The following OSBPL8 variants were observed in gnomAD, a reference collection of about 807,000 sequenced individuals.
OSBPL8 encodes the protein oxysterol-binding protein-related protein 8.
OSBPL8 carries 59 observed loss-of-function variants against 125.5 expected under a neutral mutation model. The ratio of observed to expected loss-of-function variants is 0.47; its 90% CI spans 0.38 to 0.58. The LOEUF (loss-of-function observed/expected upper bound fraction) is 0.58, where lower values mean the gene tolerates loss of function less well. Ranked by LOEUF, OSBPL8 falls within the 20% of genes least tolerant of loss-of-function variation. The probability of loss-of-function intolerance (pLI) is 0.00; values close to 1 mark genes in which losing one functional copy is unlikely to be tolerated. For missense variants in OSBPL8, 758 were observed against 1,047.8 expected (o/e 0.72, Z 3.82); for synonymous variants, 330 against 338.9 (o/e 0.97, Z 0.29).
intron 1 of OSBPL8, among the ~76,000 whole-genome samples, chr12:76,514,595 A>G (rs1296609402): frequency 3.3e-5 from 5 of 151,834 alleles, no homozygotes. Flanking sequence ...TTTTTCTTTC[A>G]TTTCAATCTT....
chr12:76,551,978 C>T (rs1200956057), intron 1 of OSBPL8, among the ~76,000 whole-genome samples: 2 of 152,150 alleles, frequency 1.3e-5, no homozygotes, highest in African/African-American at 2.4e-5. Flanking sequence ...GACTGTAGAA[C>T]ATTCCAATCT....
chr12:76,423,002 G>A (rs1326444480), intron 4 of OSBPL8: 1 of 158,010 alleles, frequency 6.3e-6, no homozygotes, highest in Admixed American at 6.2e-5. Context: ...AATTCAAGAT[G>A]AAGCAATAAA....
Position 76,387,164 on chromosome 12 carries a change from G to C in OSBPL8, c.1353-504C>G, listed in dbSNP as rs992568442. 2.6e-5 allele frequency among the ~76,000 whole-genome samples: 4 copies of C among 152,182 alleles called. No homozygotes were observed. The South Asian group carries it at 8.3e-4, about 32-fold the overall frequency. Reference sequence around the variant, plus strand: ...AGTCCATTCTCAGTTGTTGATGTTAGAGGAGATCAATGGTAAACTGGTGGA... The same window carrying C: ...AGTCCATTCTCAGTTGTTGATGTTACAGGAGATCAATGGTAAACTGGTGGA... On this transcript the variant is annotated intron_variant, in intron 12 of 23. Transcript: ENST00000261183.
rs1170144998 is a variant in OSBPL8 at position 76,371,600 on chromosome 12, T to A, written c.1918-16A>T. The stretch of plus-strand genomic sequence containing the variant: ...CTTCACTATCCTATATTTAAAAAAA[T>A]TCAAAATTAATGTAAAGAATTATAC... On this transcript the variant is annotated splice_polypyrimidine_tract_variant and intron_variant, in intron 18 of 23. Transcript: ENST00000261183. 4 of 1,536,484 alleles carry A rather than the reference T, an allele frequency of 2.6e-6. No individual in the cohort carries two copies. The highest frequency in any genetic ancestry group is 2.8e-5 in the African/African-American group (2 of 71,386).
chr12:76,457,816 C>T (rs1874243040), intron 3 of OSBPL8, among the ~76,000 whole-genome samples: 2 of 152,070 alleles, frequency 1.3e-5, no homozygotes, highest in Admixed American at 1.3e-4. Context: ...TAAAATATTT[C>T]AGTTAATATT....
intron 4 of OSBPL8, among the ~76,000 whole-genome samples, chr12:76,431,454 T>A (rs1407384619): frequency 6.6e-6 from 1 of 152,148 alleles, no homozygotes; most frequent in African/African-American, 2.4e-5. Flanking sequence ...CTAAAATTCC[T>A]AATCAAAAGA....
intron 21 of OSBPL8, among the ~76,000 whole-genome samples, chr12:76,364,164 G>A (rs893935345): frequency 2.0e-5 from 3 of 152,152 alleles, no homozygotes; most frequent in African/African-American, 7.2e-5. Context: ...TATACCGAAG[G>A]ATTATAAATC....
At chr12:76,415,682 G>A (rs150868019) in intron 4 of OSBPL8, among the ~76,000 whole-genome samples, 164 of 152,234 alleles carry the variant, frequency 1.1e-3, no homozygotes, top group African/African-American at 3.6e-3. Context: ...GCATACAAAA[G>A]TTCACAATAT....
Position 76,487,507 on chromosome 12 carries a change from C to T in OSBPL8, c.42+3G>A, listed in dbSNP as rs1270101250. On this transcript the variant is annotated splice_donor_region_variant and intron_variant, in intron 2 of 23. Coordinates refer to ENST00000261183, the MANE Select transcript of OSBPL8 (RefSeq NM_020841.5). ...GAACCTATGTCATATATGAACTACT[C>T]ACCGAAGTTCGATCAGGTTCTCCAT... is the stretch of plus-strand genomic sequence containing the variant. 6.2e-7 allele frequency: 1 copy of T among 1,600,898 alleles called. No homozygotes were observed.
chr12:76,548,442 A>G (rs1222845663), intron 1 of OSBPL8, among the ~76,000 whole-genome samples: 2 of 152,160 alleles, frequency 1.3e-5, no homozygotes, highest in African/African-American at 4.8e-5. Flanking sequence ...ACTGAGTATT[A>G]CTTGACTAAC....
chr12:76,386,297 T>C, intron 13 of OSBPL8, 31 bp from the exon 14 acceptor site: 1 of 1,569,494 alleles, frequency 6.4e-7, no homozygotes, highest in Non-Finnish European at 8.6e-7. Context: ...CAATTTCAAA[T>C]TACAAATACA....
At chr12:76,396,436 T>C (rs1953806618) in intron 8 of OSBPL8, among the ~76,000 whole-genome samples, 1 of 152,122 alleles carries the variant, frequency 6.6e-6, no homozygotes, top group Admixed American at 6.5e-5. Flanking sequence ...CTGGCCTTCT[T>C]AGAAACTAAA....
At chr12:76,373,285 A>ATT (rs71311107) in intron 18 of OSBPL8, 59 bp downstream of exon 18, 97,786 of 904,928 alleles carry the variant, frequency 0.11, 2,226 homozygotes, top group Admixed American at 0.15. Context: ...TTTAAATGTG[A>ATT]TTTTTTTTTT....
intron 1 of OSBPL8, among the ~76,000 whole-genome samples, chr12:76,550,386 C>A (rs543786241): frequency 2.6e-5 from 4 of 152,256 alleles, no homozygotes; most frequent in South Asian, 2.1e-4. Flanking sequence ...AATACTTACA[C>A]AGTCATGGTA....
chr12:76,380,144 C>T (rs1044183956), intron 15 of OSBPL8, among the ~76,000 whole-genome samples: 19 of 152,094 alleles, frequency 1.2e-4, no homozygotes, highest in South Asian at 6.3e-4. Context: ...ATTTGAGAGC[C>T]AACTTGCCAA....
chr12:76,394,706 T>A lies in OSBPL8; in HGVS notation c.696A>T (p.Gly232=), dbSNP rs1953719141. 1.9e-6 allele frequency: 3 copies of A among 1,612,296 alleles called. No homozygotes were observed. The highest frequency in any genetic ancestry group is 2.5e-6 in the Non-Finnish European group (3 of 1,179,262). Residue 232 remains glycine, a synonymous_variant, in exon 9 of 24, where the codon GGA becomes GGT. Transcript: ENST00000261183. ...AVKGPKGEAV[G]SITQPLPSSY... Reference sequence around the variant, plus strand: ...TGCTAGGTAAGGGTTGAGTAATGGATCCAACCGCTTCACCTTTTGGACCCT... The same window carrying A: ...TGCTAGGTAAGGGTTGAGTAATGGAACCAACCGCTTCACCTTTTGGACCCT...
chr12:76,444,092 T>C (rs772766693), intron 4 of OSBPL8, among the ~76,000 whole-genome samples: 5 of 151,822 alleles, frequency 3.3e-5, no homozygotes, highest in African/African-American at 4.8e-5. Context: ...CCTAAAACAA[T>C]AGAACAAAAC....
At chr12:76,521,756 A>G (rs1882080323) in intron 1 of OSBPL8, among the ~76,000 whole-genome samples, 2 of 152,238 alleles carry the variant, frequency 1.3e-5, no homozygotes, top group Non-Finnish European at 2.9e-5. Context: ...AAAATTGTAG[A>G]GACAGAAAGT....
rs902733318 is a variant in OSBPL8 at position 76,389,965 on chromosome 12, A to G, written c.1168-136T>C. The G allele has an allele frequency of 6.3e-6, 4 of 630,168 alleles. No individual in the cohort carries two copies. In the African/African-American group the frequency reaches 7.6e-5, roughly 12 times the overall value. The allele number at this position is 630,168 out of a possible 1,614,324, so 39.0% of individuals were successfully genotyped here. A position where few individuals can be genotyped will look rare whatever the true frequency, so the allele number is the denominator to read the frequency against. Reference sequence around the variant, plus strand: ...TCTTTAAATGTGGAAACAAAAAATAATAATAAAATCTATAGCTATAAAACT... The same window carrying G: ...TCTTTAAATGTGGAAACAAAAAATAGTAATAAAATCTATAGCTATAAAACT... On this transcript the variant is annotated intron_variant, in intron 11 of 23. Transcript: ENST00000261183.
Sources: allele counts gnomAD v4.1 joint callset (sites outside exome capture counted in the v4.1 genomes callset), GRCh38; gene constraint gnomAD v4.1.1; transcripts MANE v1.5; gene names NCBI Gene and HGNC (gene_info 2026-07-23, HGNC 2026-07-21).